Variants in FZD6 observed in about 807,000 individuals in gnomAD.
FZD6 encodes the protein frizzled class receptor 6.
A neutral mutation model predicts 61.4 loss-of-function variants in FZD6; 49 were observed. That is an observed-to-expected ratio of 0.80 (90% CI 0.63 to 1.01). FZD6 has a LOEUF of 1.01. Among genes scored for constraint, FZD6 ranks in the 50% least tolerant of loss-of-function variants. The pLI, the probability that FZD6 is intolerant of heterozygous loss-of-function variation, is 0.00. For missense variants in FZD6, 724 were observed against 848.2 expected, an observed-to-expected ratio of 0.85 and a Z score of 1.82; for synonymous variants, 265 against 292.2, an observed-to-expected ratio of 0.91 and a Z score of 0.95.
chr8:103,319,972 T>C (rs827554), intron 3 of FZD6, among the ~76,000 whole-genome samples: 76,646 of 151,924 alleles, frequency 0.5, 19,954 homozygotes, highest in African/African-American at 0.62. Context: ...GGCAAGCATA[T>C]ATGGGGTAGA....
chr8:103,310,185 ACTGATATAATTTAGCCAC>A (rs1814453811), intron 2 of FZD6, among the ~76,000 whole-genome samples: 1 of 152,124 alleles, frequency 6.6e-6, no homozygotes, highest in Admixed American at 6.5e-5. Context: ...AGCACATTAA[ACTGATATAATTTAGCCAC>A]CTGCAGATCA....
Position 103,331,491 on chromosome 8 carries a change from T to C in FZD6, c.2103T>C (p.Gly701=). The C allele has an allele frequency of 6.2e-7, 1 of 1,611,572 alleles. No homozygotes were observed. The change falls in exon 7 of 7, where the codon GGT becomes GGC. Residue 701 remains glycine (G), a synonymous_variant. Transcript: ENST00000358755. ...VSGVRKEQGG[G]CHSDT The stretch of plus-strand genomic sequence containing the variant: ...GAGTGAGAAAAGAGCAGGGAGGTGG[T>C]TGTCATTCAGATACTTGAAGAACAT...
At chr8:103,311,681 TAAA>T (rs34828148) in intron 2 of FZD6, among the ~76,000 whole-genome samples, 12 of 124,494 alleles carry the variant, frequency 9.6e-5, no homozygotes, top group Middle Eastern at 4.2e-3. Context: ...ACCTGTCTCT[TAAA>T]AAAAAAAAAA....
chr8:103,322,639 C>G (rs777500371), intron 3 of FZD6, among the ~76,000 whole-genome samples: 1 of 152,096 alleles, frequency 6.6e-6, no homozygotes, highest in Non-Finnish European at 1.5e-5. Context: ...ATTTATTCTA[C>G]TGATACAGTG....
intron 4 of FZD6, among the ~76,000 whole-genome samples, chr8:103,327,589 C>T (rs1160512878): frequency 6.6e-6 from 1 of 151,754 alleles, no homozygotes; most frequent in Non-Finnish European, 1.5e-5. Context: ...GAGTGAGACT[C>T]CATCTCAAAA....
intron 2 of FZD6, among the ~76,000 whole-genome samples, chr8:103,305,965 T>G (rs907469417): frequency 6.6e-6 from 1 of 152,274 alleles, no homozygotes. Flanking sequence ...CTCTAGGTTA[T>G]ATATTTGTCA....
At chr8:103,329,058 A>G (rs887078654) in intron 5 of FZD6, among the ~76,000 whole-genome samples, 4 of 102,834 alleles carry the variant, frequency 3.9e-5, no homozygotes, top group Admixed American at 1.2e-4. Context: ...ACAAGGTACT[A>G]TAGCTTTTTA....
At chr8:103,300,794 T>G (rs1451484312) in intron 2 of FZD6, among the ~76,000 whole-genome samples, 1 of 152,192 alleles carries the variant, frequency 6.6e-6, no homozygotes, top group Non-Finnish European at 1.5e-5. Flanking sequence ...AAAAAGTGAC[T>G]TTGTTTTCTA....
chr8:103,324,802 AC>A lies in FZD6; in HGVS notation c.698del (p.Pro233GlnfsTer22). On this transcript the variant is annotated frameshift_variant, in exon 4 of 7. Transcript: ENST00000358755. LOFTEE classifies it high-confidence loss of function. ...DVRRFRYPER[P>X]IIYYSVCYSI... Reference sequence around the variant, plus strand: ...TTAGAAGATTCAGATACCCAGAGAGACCAATTATATATTACTCTGTCTGTTA... The same window carrying A: ...TTAGAAGATTCAGATACCCAGAGAGACAATTATATATTACTCTGTCTGTTA... 6.2e-7 allele frequency: 1 copy of A among 1,613,118 alleles called. No homozygotes were observed. Among genetic ancestry groups the A allele is most frequent in the Non-Finnish European group, 8.5e-7 (1 of 1,179,094 alleles).
chr8:103,324,069 C>A (rs1814867510), intron 3 of FZD6, among the ~76,000 whole-genome samples: 1 of 152,026 alleles, frequency 6.6e-6, no homozygotes. Context: ...AGTGAATAGA[C>A]AAGATATATT....
intron 2 of FZD6, among the ~76,000 whole-genome samples, chr8:103,302,529 G>A (rs1013616652): frequency 3.9e-5 from 6 of 152,110 alleles, no homozygotes; most frequent in African/African-American, 1.4e-4. Context: ...GAAAAGCTGC[G>A]ATTTGTCCCT....
intron 2 of FZD6, among the ~76,000 whole-genome samples, chr8:103,317,401 C>T (rs1019480206): frequency 1.3e-5 from 2 of 152,092 alleles, no homozygotes; most frequent in African/African-American, 4.8e-5. Flanking sequence ...TTTAAAGAAT[C>T]GCATTGGTTG....
chr8:103,324,388 TA>T, intron 3 of FZD6, 92 bp from the exon 4 acceptor site: 2 of 697,028 alleles, frequency 2.9e-6, no homozygotes, highest in Non-Finnish European at 4.8e-6. Context: ...CATGAATACA[TA>T]AGGTAATATT....
At chr8:103,304,693 T>A (rs917396333) in intron 2 of FZD6, among the ~76,000 whole-genome samples, 2 of 152,216 alleles carry the variant, frequency 1.3e-5, no homozygotes, top group Non-Finnish European at 2.9e-5. Flanking sequence ...GGCAGTGGGC[T>A]ATATTTGGCC....
At chr8:103,299,595 C>G (rs1814091448) in intron 1 of FZD6, among the ~76,000 whole-genome samples, 1 of 152,144 alleles carries the variant, frequency 6.6e-6, no homozygotes, top group Non-Finnish European at 1.5e-5. Flanking sequence ...CCTTAGTTTT[C>G]TTGTACTTAA....
chr8:103,310,836 G>A (rs988170224), intron 2 of FZD6, among the ~76,000 whole-genome samples: 3 of 152,170 alleles, frequency 2.0e-5, no homozygotes, highest in Non-Finnish European at 4.4e-5. Context: ...ACTTTGCCAT[G>A]GGTTGCCAGA....
intron 2 of FZD6, among the ~76,000 whole-genome samples, chr8:103,309,839 A>G (rs1459762019): frequency 1.3e-5 from 2 of 152,152 alleles, no homozygotes; most frequent in African/African-American, 2.4e-5. Context: ...AGCCCCATCT[A>G]AAATTGTATT....
At chr8:103,326,071 T>C (rs929322490) in intron 4 of FZD6, among the ~76,000 whole-genome samples, 1 of 152,146 alleles carries the variant, frequency 6.6e-6, no homozygotes, top group Non-Finnish European at 1.5e-5. Flanking sequence ...AAAGTAAATT[T>C]CTGAAAATAT....
At chr8:103,319,017 CAAAT>C (rs902089829) in intron 3 of FZD6, among the ~76,000 whole-genome samples, 5 of 152,064 alleles carry the variant, frequency 3.3e-5, no homozygotes, top group African/African-American at 9.7e-5. Flanking sequence ...AGACAGTAAT[CAAAT>C]AATTATGCAA....
Sources: gnomAD v4.1 joint callset for allele counts (sites outside exome capture counted in the v4.1 genomes callset) on GRCh38, gnomAD v4.1.1 for gene constraint, MANE v1.5 for transcripts, NCBI Gene and HGNC (gene_info 2026-07-23, HGNC 2026-07-21) for gene names.